PCNT: variants seen among roughly 807,000 people sequenced by gnomAD.
PCNT encodes the protein pericentrin.
In PCNT, 319 loss-of-function variants were observed where a neutral mutation model predicts 380.4. The ratio of observed to expected loss-of-function variants is 0.84; its 90% CI spans 0.77 to 0.92. The LOEUF is 0.92. Among genes scored for constraint, PCNT ranks in the 40% least tolerant of loss-of-function variants. The pLI is 0.00. For synonymous variants in PCNT, 1,845 were observed against 1,735.2 expected (o/e 1.06, Z -1.57); for missense variants, 4,400 against 4,255.3 (o/e 1.03, Z -0.95).
chr21:46,347,858 G>C (rs971851057), intron 6 of PCNT, among the ~76,000 whole-genome samples: 1 of 152,198 alleles, frequency 6.6e-6, no homozygotes, highest in African/African-American at 2.4e-5. Context: ...TGGGGTGTGG[G>C]TGCTGGGGTG....
chr21:46,330,928 G>T (rs1251363730), intron 2 of PCNT, among the ~76,000 whole-genome samples: 1 of 152,112 alleles, frequency 6.6e-6, no homozygotes. Context: ...ATAATGAAAG[G>T]TGCATTTGTT....
In PCNT at chr21:46,385,956, C is replaced by T. The variant is rs2085817031; in HGVS notation, c.3437C>T (p.Ala1146Val). ...GCAAACCTCCTCTCCATGCTCAAGG[C>T]CGACGTCAACCTGTCCCACAGCGAA... ...EGANLLSMLK[A>V]DVNLSHSERG... Residue 1146 changes from alanine to valine, a missense_variant, in exon 17 of 47, where the codon GCC (alanine) becomes GTC (valine). Ala to Val is a moderately conservative substitution (Grantham distance 64, BLOSUM62 0). Coordinates refer to ENST00000359568, the MANE Select transcript of PCNT (RefSeq NM_006031.6). 6.2e-7 allele frequency: 1 copy of T among 1,614,076 alleles called. No homozygotes were observed. The highest frequency in any genetic ancestry group is 1.7e-5 in the Admixed American group (1 of 60,010).
intron 30 of PCNT, among the ~76,000 whole-genome samples, chr21:46,417,397 T>C (rs2147786620): frequency 6.6e-6 from 1 of 152,080 alleles, no homozygotes; most frequent in South Asian, 2.1e-4. Context: ...TTTTACCTTA[T>C]TGGTCAGGCT....
intron 27 of PCNT, among the ~76,000 whole-genome samples, chr21:46,407,132 G>A (rs1188435183): frequency 3.9e-5 from 6 of 152,082 alleles, no homozygotes; most frequent in African/African-American, 1.4e-4. Context: ...TAACATAGCT[G>A]GGATTTCTTC....
intron 21 of PCNT, chr21:46,394,403 C>T (rs1223191820): frequency 1.8e-5 from 7 of 382,668 alleles, no homozygotes; most frequent in Admixed American, 6.4e-5. Context: ...CAGCGTTGCC[C>T]AGAGCCCTGC....
chr21:46,367,066 G>C lies in PCNT; in HGVS notation c.3092G>C (p.Arg1031Pro). ...CACGAAGGGGAGCTACAGTCTGTGC[G>C]GGACCACCTGCGAACCGAAGTGAGC... ...RKHEGELQSV[R>P]DHLRTEVSTE... Residue 1031 changes from arginine to proline, a missense_variant, in exon 15 of 47, where the codon CGG becomes CCG. Physicochemically the swap from Arg to Pro is moderately radical, Grantham distance 103. Coordinates refer to ENST00000359568, the MANE Select transcript of PCNT (RefSeq NM_006031.6). 6.2e-7 allele frequency: 1 copy of C among 1,613,944 alleles called. No individual in the cohort carries two copies. Among genetic ancestry groups the C allele is most frequent in the Non-Finnish European group, 8.5e-7 (1 of 1,180,012 alleles).
chr21:46,374,564 C>G (rs760570783), intron 15 of PCNT, among the ~76,000 whole-genome samples: 2 of 152,104 alleles, frequency 1.3e-5, no homozygotes, highest in African/African-American at 2.4e-5. Flanking sequence ...AAAGACATAA[C>G]ACAAGCTGGC....
chr21:46,341,186 C>G (rs938380987), intron 3 of PCNT, among the ~76,000 whole-genome samples: 2 of 152,016 alleles, frequency 1.3e-5, no homozygotes, highest in East Asian at 3.9e-4. Context: ...CCTGGCCAGC[C>G]CATCCACTTT....
In PCNT at chr21:46,388,699, T is replaced by G. The variant is rs534513845; in HGVS notation, c.3465-43T>G. Reference sequence around the variant, plus strand: ...GCAGCATCCAGGGTGGGGGTTCTTATGCCGTGACCAGCTTGCCTGATGATG... The same window carrying G: ...GCAGCATCCAGGGTGGGGGTTCTTAGGCCGTGACCAGCTTGCCTGATGATG... On this transcript the variant is annotated intron_variant, in intron 17 of 46. Transcript: ENST00000359568. This position sits in a 1 kb window ranked among gnomAD's most constrained non-coding sequence, Gnocchi z 4.2. 13 of 1,611,244 alleles carry G rather than the reference T, an allele frequency of 8.1e-6. 1 individual carries two copies. In the East Asian group the frequency reaches 8.9e-5, roughly 11 times the overall value.
At chr21:46,430,849 C>T (rs944843598) in intron 37 of PCNT, 192 bp downstream of exon 37, 5 of 985,302 alleles carry the variant, frequency 5.1e-6, no homozygotes, top group African/African-American at 3.5e-5. Context: ...CACCACAGGG[C>T]GAAGAGTGCG....
intron 1 of PCNT, among the ~76,000 whole-genome samples, chr21:46,325,957 A>G (rs1256353423): frequency 6.6e-6 from 1 of 152,232 alleles, no homozygotes; most frequent in Non-Finnish European, 1.5e-5. Flanking sequence ...ATGGCTAGGA[A>G]GTTTTGGCTG....
At chr21:46,386,950 G>A (rs1296211081) in intron 17 of PCNT, among the ~76,000 whole-genome samples, 2 of 151,916 alleles carry the variant, frequency 1.3e-5, no homozygotes, top group African/African-American at 4.8e-5. Context: ...GCTCCCATCT[G>A]TGTGTCCCCG....
chr21:46,362,718 C>T (rs901601541), intron 13 of PCNT, among the ~76,000 whole-genome samples: 2 of 151,942 alleles, frequency 1.3e-5, no homozygotes, highest in African/African-American at 2.4e-5. Context: ...CTGAGGCTGG[C>T]GGATTGCTTG....
intron 43 of PCNT, among the ~76,000 whole-genome samples, chr21:46,442,241 A>G (rs1170835662): frequency 6.6e-6 from 1 of 152,076 alleles, no homozygotes; most frequent in African/African-American, 2.4e-5. Context: ...CATATGGTCC[A>G]CGGTGGGGCC....
chr21:46,384,709 G>C (rs1402391346), intron 16 of PCNT, among the ~76,000 whole-genome samples: 1 of 150,004 alleles, frequency 6.7e-6, no homozygotes, highest in Non-Finnish European at 1.5e-5. Flanking sequence ...GTTGTGCGTT[G>C]AGCGGCGGAA....
At chr21:46,326,670 G>T in intron 2 of PCNT, 81 bp downstream of exon 2, 1 of 1,453,322 alleles carries the variant, frequency 6.9e-7, no homozygotes, top group Non-Finnish European at 9.6e-7. Flanking sequence ...GATGGTCTTT[G>T]GTCTGTTTTT....
intron 1 of PCNT, chr21:46,324,935 G>C (rs866052875): frequency 1.0e-6 from 1 of 985,302 alleles, no homozygotes; most frequent in Non-Finnish European, 1.2e-6. Context: ...GCTCCCGGCC[G>C]CCGTCTTCTT....
intron 2 of PCNT, among the ~76,000 whole-genome samples, chr21:46,328,326 G>C (rs889622456): frequency 6.7e-6 from 1 of 149,808 alleles, no homozygotes; most frequent in Non-Finnish European, 1.5e-5. Flanking sequence ...GCAGTGACGC[G>C]AACTCTGCTC....
intron 44 of PCNT, 88 bp from the exon 45 acceptor site, chr21:46,443,722 T>C (rs1296576452): frequency 1.5e-5 from 19 of 1,276,838 alleles, no homozygotes; most frequent in African/African-American, 4.4e-5. Context: ...TAAAAGCTTA[T>C]ACGTTTAAAC....
Sources: gnomAD v4.1 joint callset for allele counts (sites outside exome capture counted in the v4.1 genomes callset) on GRCh38, gnomAD v4.1.1 for gene constraint, Gnocchi (gnomAD v3.1) non-coding constraint, MANE v1.5 for transcripts, NCBI Gene and HGNC (gene_info 2026-07-23, HGNC 2026-07-21) for gene names.